DPP6: variants seen among roughly 807,000 people sequenced by gnomAD.
DPP6 encodes A-type potassium channel modulatory protein DPP6.
In DPP6, 69 loss-of-function variants were observed where a neutral mutation model predicts 122.6. The observed-to-expected ratio is 0.56, with a 90% confidence interval of 0.46 to 0.69. DPP6 has a LOEUF of 0.69. DPP6 is among the 30% of genes least tolerant of loss of function. The pLI is 0.00. For synonymous variants in DPP6, 418 were observed against 433.1 expected (o/e 0.97, Z 0.43); for missense variants, 928 against 1,116.9 (o/e 0.83, Z 2.41).
In DPP6 at chr7:154,491,700, T is replaced by C. The variant is rs1824295104; in HGVS notation, c.457+16663T>C. On this transcript the variant is annotated intron_variant, in intron 3 of 25. Coordinates refer to ENST00000377770, the MANE Select transcript of DPP6 (RefSeq NM_130797.4). ...AGAAGATAAATAAGATGGCCCAGCA[T>C]GGTCATTTTCTAATTTTTATGGAGG... 3.3e-5 allele frequency among the ~76,000 whole-genome samples: 5 copies of C among 152,334 alleles called. No homozygotes were observed. The South Asian group carries it at 8.3e-4, about 25-fold the overall frequency.
At chr7:154,742,250 T>C (rs1437669266) in intron 8 of DPP6, among the ~76,000 whole-genome samples, 1 of 152,188 alleles carries the variant, frequency 6.6e-6, no homozygotes, top group Non-Finnish European at 1.5e-5. Flanking sequence ...ATGCATTTAT[T>C]CTGCACCGAA....
At chr7:154,757,615 A>G (rs796566825) in intron 8 of DPP6, among the ~76,000 whole-genome samples, 7 of 152,298 alleles carry the variant, frequency 4.6e-5, no homozygotes, top group African/African-American at 1.7e-4. Flanking sequence ...ATCCACGGTA[A>G]GATGTTTCCT....
At chr7:154,380,789 G>A (rs1813529032) in intron 1 of DPP6, among the ~76,000 whole-genome samples, 1 of 152,206 alleles carries the variant, frequency 6.6e-6, no homozygotes, top group South Asian at 2.1e-4. Context: ...CTGGTTGCTA[G>A]TCCTGTGAGT....
At chr7:153,931,844 C>T (rs1446108632) in intron 1 of DPP6, among the ~76,000 whole-genome samples, 1 of 152,182 alleles carries the variant, frequency 6.6e-6, no homozygotes, top group Non-Finnish European at 1.5e-5. Flanking sequence ...AGTTGTTTTT[C>T]AGCTTTTGGT....
At chr7:154,679,308 G>C (rs1308703502) in intron 7 of DPP6, among the ~76,000 whole-genome samples, 2 of 152,186 alleles carry the variant, frequency 1.3e-5, no homozygotes, top group African/African-American at 2.4e-5. Context: ...TTTAGAAAAG[G>C]CCATTGTCAG....
chr7:153,928,395 C>CTTTTTTTTTTTTTTTTTTTTTTT (rs1467865041), intron 1 of DPP6, among the ~76,000 whole-genome samples: 3 of 29,988 alleles, frequency 1.0e-4, no homozygotes, highest in African/African-American at 4.0e-4. Context: ...TCTTTTCTTT[C>CTTTTTTTTTTTTTTTTTTTTTTT]ATTTTTTTTT....
intron 1 of DPP6, among the ~76,000 whole-genome samples, chr7:153,894,186 A>G (rs1799315662): frequency 6.6e-6 from 1 of 152,236 alleles, no homozygotes; most frequent in Admixed American, 6.5e-5. Flanking sequence ...TTTATTGGGT[A>G]TGACAAGAAT....
chr7:154,825,045 T>C (rs1221535300), intron 16 of DPP6, among the ~76,000 whole-genome samples: 2 of 152,246 alleles, frequency 1.3e-5, no homozygotes, highest in Non-Finnish European at 2.9e-5. Context: ...CCCATTACAA[T>C]TTGAAAAATA....
chr7:154,180,275 G>C (rs371203745), intron 1 of DPP6, among the ~76,000 whole-genome samples: 1 of 151,562 alleles, frequency 6.6e-6, no homozygotes, highest in African/African-American at 2.4e-5. Flanking sequence ...ATGAACCCGG[G>C]AGGTGGAGGC....
the DPP6 span, among the ~76,000 whole-genome samples, chr7:153,825,380 C>T: frequency 6.6e-6 from 1 of 152,060 alleles, no homozygotes; most frequent in Non-Finnish European, 1.5e-5. Flanking sequence ...TTGAAGTCTC[C>T]TCTGACTTCC....
the DPP6 span, among the ~76,000 whole-genome samples, chr7:153,800,917 G>A: frequency 4.6e-5 from 7 of 152,322 alleles, no homozygotes; most frequent in South Asian, 2.1e-4. Context: ...TGATGGATAT[G>A]CTAATTACCC....
chr7:153,958,305 C>G (rs1414530051), intron 1 of DPP6, among the ~76,000 whole-genome samples: 4 of 152,174 alleles, frequency 2.6e-5, no homozygotes, highest in Non-Finnish European at 5.9e-5. Flanking sequence ...GCTTTGTCAT[C>G]TTCACAGTAT....
At chr7:154,307,556 G>A (rs944134656) in intron 1 of DPP6, among the ~76,000 whole-genome samples, 1 of 152,104 alleles carries the variant, frequency 6.6e-6, no homozygotes, top group Non-Finnish European at 1.5e-5. Flanking sequence ...GACAGGGGGT[G>A]AAGACCCCAC....
intron 1 of DPP6, among the ~76,000 whole-genome samples, chr7:154,203,627 G>A (rs972339726): frequency 1.3e-5 from 2 of 152,192 alleles, no homozygotes; most frequent in East Asian, 1.9e-4. Context: ...ACATATGTGC[G>A]ATGTGTGCAT....
At chr7:154,447,834 G>A (rs1314087680) in intron 2 of DPP6, among the ~76,000 whole-genome samples, 2 of 152,180 alleles carry the variant, frequency 1.3e-5, no homozygotes, top group African/African-American at 4.8e-5. Flanking sequence ...ATGATCATCT[G>A]AACAGACACA....
intron 4 of DPP6, among the ~76,000 whole-genome samples, chr7:154,560,326 A>G (rs1830342099): frequency 1.3e-5 from 2 of 152,172 alleles, no homozygotes; most frequent in Non-Finnish European, 2.9e-5. Flanking sequence ...CCTGCTCTAA[A>G]CACTGACATG....
intron 1 of DPP6, among the ~76,000 whole-genome samples, chr7:154,411,926 A>G (rs934101611): frequency 6.6e-5 from 10 of 152,264 alleles, no homozygotes; most frequent in Non-Finnish European, 1.5e-4. Context: ...CTATTCAAGC[A>G]GCTATCACAA....
At chr7:154,420,784 T>A (rs959196148) in intron 1 of DPP6, among the ~76,000 whole-genome samples, 1 of 152,184 alleles carries the variant, frequency 6.6e-6, no homozygotes, top group African/African-American at 2.4e-5. Flanking sequence ...TATACATCCA[T>A]CAAAACATTC....
Position 153,903,106 on chromosome 7 carries a change from A to G in DPP6, c.51+15372A>G, listed in dbSNP as rs183095195. Among the ~76,000 whole-genome samples the G allele has an allele frequency of 5.9e-5, 9 of 152,344 alleles. No individual in the cohort carries two copies. The East Asian group carries it at 1.7e-3, about 29-fold the overall frequency. ...CACAATTTAGCCAAAATTGAGGATCAGGAGACTGCCAAGGACACCGGTGCT... is the reference window on the plus strand; with the variant it reads ...CACAATTTAGCCAAAATTGAGGATCGGGAGACTGCCAAGGACACCGGTGCT... On this transcript the variant is annotated intron_variant, in intron 1 of 25. Transcript: ENST00000404039.
Sources: allele counts gnomAD v4.1 joint callset (sites outside exome capture counted in the v4.1 genomes callset), GRCh38; gene constraint gnomAD v4.1.1; transcripts MANE v1.5; gene names NCBI Gene and HGNC (gene_info 2026-07-23, HGNC 2026-07-21).